The following STEAP1B variants were observed in gnomAD, a reference collection of about 807,000 sequenced individuals.
STEAP1B encodes STEAP family member 1B.
Under a neutral mutation model 27.9 loss-of-function variants are expected in STEAP1B, and 13 were observed. The observed-to-expected ratio is 0.47, with a 90% CI of 0.30 to 0.74. The LOEUF (loss-of-function observed/expected upper bound fraction) is 0.74, where lower values mean the gene tolerates loss of function less well. Among genes scored for constraint, STEAP1B ranks in the 30% least tolerant of loss-of-function variants. The probability of loss-of-function intolerance (pLI) is 0.06; values close to 1 mark genes in which losing one functional copy is unlikely to be tolerated. For synonymous variants in STEAP1B, 86 were observed against 107.1 expected (o/e 0.80, Z 1.22); for missense variants, 250 against 298.7 (o/e 0.84, Z 1.20).
At chr7:22,429,858 T>C (rs1160976532) in intron 4 of STEAP1B, among the ~76,000 whole-genome samples, 1 of 152,210 alleles carries the variant, frequency 6.6e-6, no homozygotes, top group Non-Finnish European at 1.5e-5. Flanking sequence ...GTGTGTCCAA[T>C]GGGCTTAACA....
At chr7:22,449,500 T>C (rs1785454159) in intron 4 of STEAP1B, among the ~76,000 whole-genome samples, 1 of 152,250 alleles carries the variant, frequency 6.6e-6, no homozygotes, top group South Asian at 2.1e-4. Context: ...GGCTGAATAG[T>C]ACTCCATTGT....
At chr7:22,454,865 ATTTTTT>A (rs367804282) in intron 4 of STEAP1B, among the ~76,000 whole-genome samples, 31 of 126,146 alleles carry the variant, frequency 2.5e-4, no homozygotes, top group African/African-American at 6.1e-4. Flanking sequence ...ATATATATAT[ATTTTTT>A]TTTTTTTTTG....
intron 4 of STEAP1B, among the ~76,000 whole-genome samples, chr7:22,451,739 T>C (rs1180616339): frequency 3.9e-5 from 6 of 152,238 alleles, no homozygotes; most frequent in Non-Finnish European, 7.3e-5. Flanking sequence ...AAATCCCACT[T>C]GGTCATGACA....
intron 4 of STEAP1B, among the ~76,000 whole-genome samples, chr7:22,446,309 AC>A (rs765622000): frequency 6.6e-5 from 10 of 152,194 alleles, no homozygotes; most frequent in Non-Finnish European, 1.3e-4. Flanking sequence ...CCTAATTCCA[AC>A]CTGGATACTC....
At chr7:22,456,968 ATATATTTTTT>A (rs71966969) in intron 4 of STEAP1B, among the ~76,000 whole-genome samples, 13,267 of 47,934 alleles carry the variant, frequency 0.28, 2,620 homozygotes, top group East Asian at 0.6. Flanking sequence ...ATATATATAT[ATATATTTTTT>A]TTTTTTTTAA....
At chr7:22,485,049 C>T (rs1786177857) in intron 4 of STEAP1B, among the ~76,000 whole-genome samples, 1 of 152,186 alleles carries the variant, frequency 6.6e-6, no homozygotes, top group African/African-American at 2.4e-5. Context: ...AAATCTATTC[C>T]TGGAGAAGAC....
intron 4 of STEAP1B, chr7:22,438,849 A>C: frequency 1.5e-6 from 2 of 1,306,472 alleles, no homozygotes; most frequent in Non-Finnish European, 2.0e-6. Context: ...AAAACTGAAT[A>C]CTCTCCTTCA....
In STEAP1B at chr7:22,477,588, C is replaced by T. The variant is rs182445033; in HGVS notation, c.762+14977G>A. 8.5e-5 allele frequency among the ~76,000 whole-genome samples: 13 copies of T among 152,304 alleles called. No homozygotes were observed. The East Asian group carries it at 1.9e-3, about 23-fold the overall frequency. On this transcript the variant is annotated intron_variant, in intron 4 of 4. Coordinates refer to ENST00000678116, the MANE Select transcript of STEAP1B (RefSeq NM_001382447.1). ...CATGAAAGTACTCTGCAAATGGAAG[C>T]GTATTACGCAAATATTACGAATTTC... is the stretch of plus-strand genomic sequence containing the variant.
chr7:22,423,988 A>G (rs1785075752), intron 4 of STEAP1B, among the ~76,000 whole-genome samples: 1 of 152,128 alleles, frequency 6.6e-6, no homozygotes, highest in Non-Finnish European at 1.5e-5. Flanking sequence ...GTGATCATGC[A>G]ACTGCACTCC....
At chr7:22,466,410 TTTTC>T (rs1486427818) in intron 4 of STEAP1B, among the ~76,000 whole-genome samples, 1 of 126,766 alleles carries the variant, frequency 7.9e-6, no homozygotes, top group Non-Finnish European at 1.6e-5. Flanking sequence ...GTATCTACTG[TTTTC>T]TTTGTGTCCA....
At chr7:22,479,553 A>T (rs1213461565) in intron 4 of STEAP1B, among the ~76,000 whole-genome samples, 1 of 151,978 alleles carries the variant, frequency 6.6e-6, no homozygotes, top group Non-Finnish European at 1.5e-5. Context: ...TTTATGTGTA[A>T]CTTGCTGACT....
chr7:22,427,275 T>G (rs1056326290), intron 4 of STEAP1B, among the ~76,000 whole-genome samples: 1 of 152,188 alleles, frequency 6.6e-6, no homozygotes, highest in African/African-American at 2.4e-5. Flanking sequence ...ACAGCAGTTA[T>G]GGACAATAGG....
chr7:22,432,695 A>C (rs975010840), intron 4 of STEAP1B, among the ~76,000 whole-genome samples: 14 of 152,290 alleles, frequency 9.2e-5, no homozygotes, highest in African/African-American at 3.4e-4. Context: ...CCTTCATTAA[A>C]CTATGTGATT....
intron 4 of STEAP1B, among the ~76,000 whole-genome samples, chr7:22,429,749 G>A (rs532788936): frequency 2.0e-4 from 30 of 152,156 alleles, no homozygotes; most frequent in South Asian, 1.5e-3. Flanking sequence ...ACTGCCAGTC[G>A]TTGAAACTCC....
In STEAP1B at chr7:22,467,035, T is replaced by C. The variant is rs142032725; in HGVS notation, c.762+25530A>G. ...AATGCTAAGGACAAATTTGCTGTTT[T>C]TATCTGGTCTTTGAAAAAGATTTCA... On this transcript the variant is annotated intron_variant, in intron 4 of 4. Coordinates refer to ENST00000678116, the MANE Select transcript of STEAP1B (RefSeq NM_001382447.1). 6.3e-3 allele frequency among the ~76,000 whole-genome samples: 955 copies of C among 152,332 alleles called. 25 individuals are homozygous for C. The highest frequency in any genetic ancestry group is 0.046 in the Admixed American group (699 of 15,294).
intron 4 of STEAP1B, among the ~76,000 whole-genome samples, chr7:22,477,667 C>T (rs912920432): frequency 2.6e-5 from 4 of 151,746 alleles, no homozygotes; most frequent in Non-Finnish European, 2.9e-5. Flanking sequence ...CTTGCATTTG[C>T]CCTTTGACAA....
chr7:22,423,014 T>C (rs957030010), intron 4 of STEAP1B, among the ~76,000 whole-genome samples: 4 of 152,088 alleles, frequency 2.6e-5, no homozygotes, highest in Admixed American at 2.6e-4. Context: ...TAAAAAGACA[T>C]CACAAACAAA....
At chr7:22,435,488 T>C (rs1284820986) in intron 4 of STEAP1B, among the ~76,000 whole-genome samples, 1 of 152,204 alleles carries the variant, frequency 6.6e-6, no homozygotes, top group African/African-American at 2.4e-5. Context: ...CCAAAAGCCA[T>C]TTATTGACAA....
At chr7:22,459,496 A>T (rs560305967) in intron 4 of STEAP1B, among the ~76,000 whole-genome samples, 1 of 152,364 alleles carries the variant, frequency 6.6e-6, no homozygotes, top group South Asian at 2.1e-4. Context: ...ATAAGACCTG[A>T]GTAATGATGT....
Sources: allele counts gnomAD v4.1 joint callset (sites outside exome capture counted in the v4.1 genomes callset), GRCh38; gene constraint gnomAD v4.1.1; transcripts MANE v1.5; gene names NCBI Gene and HGNC (gene_info 2026-07-23, HGNC 2026-07-21).